BET1: variants seen among roughly 807,000 people sequenced by gnomAD.
BET1 encodes the protein Bet1 golgi vesicular membrane trafficking protein.
Under a neutral mutation model 13.9 loss-of-function variants are expected in BET1, and 9 were observed. That is an observed-to-expected ratio of 0.65 (90% CI 0.39 to 1.13). The LOEUF (loss-of-function observed/expected upper bound fraction) is 1.13, where lower values mean the gene tolerates loss of function less well. Among genes scored for constraint, BET1 ranks in the 50% most tolerant of loss-of-function variants. BET1 has a pLI of 0.01. For missense variants in BET1, 127 were observed against 133.6 expected (o/e 0.95, Z 0.24); for synonymous variants, 39 against 47.3 (o/e 0.82, Z 0.72).
Position 93,993,698 on chromosome 7 carries a change from A to G in BET1, c.*532T>C, listed in dbSNP as rs1165752776. 1 of 1,350,708 alleles carries G rather than the reference A, an allele frequency of 7.4e-7. No individual in the cohort carries two copies. Among genetic ancestry groups the G allele is most frequent in the African/African-American group, 1.5e-5 (1 of 66,914 alleles). The allele number at this position is 1,350,708 out of a possible 1,614,324, so 83.7% of individuals were successfully genotyped here. On this transcript the variant is annotated 3_prime_UTR_variant, in exon 4 of 4. Coordinates refer to ENST00000222547, the MANE Select transcript of BET1 (RefSeq NM_005868.6). ...AAGAAATGAGGGGTCATTATCATCA[A>G]AAATTATTAGGAAGATTGTAGGTAA...
chr7:93,997,487 C>A (rs986583230), intron 2 of BET1, among the ~76,000 whole-genome samples: 1 of 152,080 alleles, frequency 6.6e-6, no homozygotes, highest in Non-Finnish European at 1.5e-5. Context: ...ATTCTTAAGT[C>A]CTTCCAAGTG....
chr7:93,970,420 C>T (rs911557318), intron 6 of BET1, among the ~76,000 whole-genome samples: 4 of 151,698 alleles, frequency 2.6e-5, no homozygotes, highest in African/African-American at 9.7e-5. Flanking sequence ...TCTCCATTAG[C>T]TCTCGAGAAG....
intron 6 of BET1, among the ~76,000 whole-genome samples, chr7:93,971,252 T>G (rs1331726200): frequency 6.6e-6 from 1 of 151,782 alleles, no homozygotes; most frequent in East Asian, 1.9e-4. Flanking sequence ...AGACCCCCTT[T>G]TAACAATATA....
chr7:93,966,271 T>A (rs935840446), intron 6 of BET1, among the ~76,000 whole-genome samples: 14 of 152,138 alleles, frequency 9.2e-5, no homozygotes, highest in African/African-American at 3.4e-4. Flanking sequence ...CAAGAAGTGC[T>A]TGCTTTGAGT....
intron 5 of BET1, among the ~76,000 whole-genome samples, chr7:93,974,576 T>C (rs2116044641): frequency 6.6e-6 from 1 of 152,082 alleles, no homozygotes; most frequent in Non-Finnish European, 1.5e-5. Flanking sequence ...AATTGGATTA[T>C]AATCCATAGA....
chr7:93,983,211 G>T (rs905576497), intron 4 of BET1, among the ~76,000 whole-genome samples: 1 of 152,166 alleles, frequency 6.6e-6, no homozygotes, highest in Admixed American at 6.6e-5. Context: ...ATAGAAAAAG[G>T]TATTTGGTGT....
At chr7:93,997,536 T>G (rs1375138179) in intron 2 of BET1, among the ~76,000 whole-genome samples, 2 of 152,212 alleles carry the variant, frequency 1.3e-5, no homozygotes, top group Non-Finnish European at 2.9e-5. Context: ...TATTACTTAG[T>G]TCATAAATCA....
chr7:93,964,683 A>G (rs1235603698), exon 7 of BET1: 3 of 152,270 alleles, frequency 2.0e-5, no homozygotes, highest in East Asian at 1.9e-4. Flanking sequence ...TCTCCAAAGA[A>G]GCCATTCAAG....
At chr7:93,972,838 C>T (rs1362376071) in intron 5 of BET1, among the ~76,000 whole-genome samples, 3 of 150,914 alleles carry the variant, frequency 2.0e-5, no homozygotes, top group Non-Finnish European at 4.4e-5. Flanking sequence ...CAGCATCACT[C>T]GTATCTTTTT....
At chr7:93,985,492 T>C (rs1281006914) in intron 4 of BET1, among the ~76,000 whole-genome samples, 8 of 152,194 alleles carry the variant, frequency 5.3e-5, no homozygotes, top group Admixed American at 5.2e-4. Flanking sequence ...GTGATGCTGG[T>C]ATATAACAGA....
At chr7:94,002,458 T>TTAAAAAAA (rs1562810165) in intron 1 of BET1, among the ~76,000 whole-genome samples, 1 of 128,074 alleles carries the variant, frequency 7.8e-6, no homozygotes, top group African/African-American at 3.3e-5. Flanking sequence ...AGCTTTTTTT[T>TTAAAAAAA]AAAAAAAAAA....
intron 2 of BET1, among the ~76,000 whole-genome samples, chr7:93,997,296 A>T (rs1037485946): frequency 4.6e-5 from 7 of 152,204 alleles, no homozygotes; most frequent in Non-Finnish European, 1.0e-4. Flanking sequence ...TCAGAACATG[A>T]GCTTTCCTCC....
intron 6 of BET1, among the ~76,000 whole-genome samples, chr7:93,966,588 A>G (rs2116012656): frequency 6.7e-6 from 1 of 150,102 alleles, no homozygotes; most frequent in East Asian, 2.0e-4. Flanking sequence ...TGACGGAGGT[A>G]CCAGGAAAAA....
chr7:93,980,667 T>C (rs562039104), intron 4 of BET1, among the ~76,000 whole-genome samples: 1 of 152,146 alleles, frequency 6.6e-6, no homozygotes, highest in Admixed American at 6.6e-5. Context: ...TTATATTCAA[T>C]GGGAAAAGTT....
chr7:93,990,883 T>C (rs916199149), downstream of BET1, among the ~76,000 whole-genome samples: 1 of 152,088 alleles, frequency 6.6e-6, no homozygotes, highest in African/African-American at 2.4e-5. Flanking sequence ...TTTCTCTTCA[T>C]TTTGAAGATT....
chr7:93,978,230 C>A (rs944447860), intron 4 of BET1, among the ~76,000 whole-genome samples: 3 of 152,036 alleles, frequency 2.0e-5, no homozygotes, highest in Non-Finnish European at 4.4e-5. Context: ...CCATGATGCC[C>A]GGTTAATTTT....
At chr7:94,000,501 T>G (rs1389884302) in intron 1 of BET1, 2 of 152,000 alleles carry the variant, frequency 1.3e-5, no homozygotes, top group African/African-American at 2.4e-5. Context: ...GTAAGGAGAA[T>G]GATGGAGGAA....
downstream of BET1, among the ~76,000 whole-genome samples, chr7:93,989,712 A>G (rs1795594892): frequency 6.6e-6 from 1 of 152,246 alleles, no homozygotes; most frequent in South Asian, 2.1e-4. Context: ...AATAGGGTTT[A>G]TGGCAATTTT....
At chr7:93,997,259 T>C (rs553825400) in intron 2 of BET1, among the ~76,000 whole-genome samples, 1 of 152,300 alleles carries the variant, frequency 6.6e-6, no homozygotes, top group African/African-American at 2.4e-5. Flanking sequence ...ATAATACTGA[T>C]ACAAAACCAT....
Sources: gnomAD v4.1 joint callset for allele counts (sites outside exome capture counted in the v4.1 genomes callset) on GRCh38, gnomAD v4.1.1 for gene constraint, MANE v1.5 for transcripts, NCBI Gene and HGNC (gene_info 2026-07-23, HGNC 2026-07-21) for gene names.